CAST: variants seen among roughly 807,000 people sequenced by gnomAD.
The protein encoded by CAST is MIR583 host.
A neutral mutation model predicts 119.6 loss-of-function variants in CAST; 76 were observed. The observed-to-expected ratio is 0.64, with a 90% confidence interval of 0.53 to 0.77. The LOEUF is 0.77. Among genes scored for constraint, CAST ranks in the 30% least tolerant of loss-of-function variants. CAST has a pLI of 0.00. For missense variants in CAST, 953 were observed against 946.5 expected (o/e 1.01, Z -0.09); for synonymous variants, 319 against 331.6 (o/e 0.96, Z 0.41).
the CAST span, among the ~76,000 whole-genome samples, chr5:96,170,147 G>A: frequency 1.5e-4 from 23 of 152,302 alleles, no homozygotes; most frequent in East Asian, 1.5e-3. Flanking sequence ...GGGCAGCATC[G>A]GTCTTCAGCC....
intron 27 of CAST, 112 bp from the exon 28 acceptor site, chr5:96,767,326 A>T: frequency 1.3e-6 from 1 of 783,848 alleles, no homozygotes. Context: ...TTGCAAGTCT[A>T]CACTCCATTT....
chr5:96,356,239 T>C, the CAST span, among the ~76,000 whole-genome samples: 2 of 152,326 alleles, frequency 1.3e-5, no homozygotes. Context: ...ATTAGCCCTT[T>C]GTCAGATGAA....
the CAST span, among the ~76,000 whole-genome samples, chr5:95,987,344 TA>T: frequency 3.6e-4 from 54 of 152,106 alleles, no homozygotes; most frequent in Admixed American, 6.6e-4. Flanking sequence ...AGAGAAGAGG[TA>T]GAACCTCATC....
intron 1 of CAST, among the ~76,000 whole-genome samples, chr5:96,639,949 A>G (rs527321972): frequency 1.3e-5 from 2 of 152,210 alleles, no homozygotes; most frequent in East Asian, 3.9e-4. Flanking sequence ...TCTTACCTGT[A>G]CTATTTGCCA....
the CAST span, among the ~76,000 whole-genome samples, chr5:96,171,028 C>T: frequency 6.6e-5 from 10 of 151,994 alleles, no homozygotes; most frequent in East Asian, 1.9e-4. Flanking sequence ...GACTCCGCGA[C>T]GCTTGGGGTT....
the CAST span, among the ~76,000 whole-genome samples, chr5:96,366,467 A>T: frequency 4.6e-5 from 7 of 152,192 alleles, no homozygotes; most frequent in African/African-American, 1.7e-4. Flanking sequence ...AGGTACACCA[A>T]TGAGACGTAG....
At chr5:96,300,194 T>C in the CAST span, among the ~76,000 whole-genome samples, 24 of 152,312 alleles carry the variant, frequency 1.6e-4, no homozygotes, top group African/African-American at 5.3e-4. Context: ...CAATGTTGTA[T>C]AGTTTCTTCC....
the CAST span, among the ~76,000 whole-genome samples, chr5:96,047,270 GGGTACGTCTATATACTTCATT>G: frequency 2.0e-5 from 3 of 152,202 alleles, no homozygotes; most frequent in Middle Eastern, 6.8e-3. Flanking sequence ...TCCGTGGCAG[GGGTACGTCTATATACTTCATT>G]GGTAGTAAGA....
chr5:96,609,276 C>T (rs2150195797), intron 1 of CAST, among the ~76,000 whole-genome samples: 1 of 152,318 alleles, frequency 6.6e-6, no homozygotes, highest in East Asian at 1.9e-4. Context: ...GAGAGCCTCT[C>T]TCTGTTACAT....
intron 1 of CAST, among the ~76,000 whole-genome samples, chr5:96,578,388 AAT>A (rs1319764719): frequency 6.6e-6 from 1 of 151,502 alleles, no homozygotes; most frequent in Non-Finnish European, 1.5e-5. Flanking sequence ...TCCATAAGAA[AAT>A]AGGTAATACA....
At chr5:96,747,471 G>C (rs1764016778) in intron 18 of CAST, 79 bp downstream of exon 18, 1 of 957,778 alleles carries the variant, frequency 1.0e-6, no homozygotes, top group South Asian at 1.4e-5. Context: ...TTGACAGTCT[G>C]GAATTCACTG....
At chr5:96,669,096 T>C (rs1388899293) in intron 1 of CAST, among the ~76,000 whole-genome samples, 1 of 152,184 alleles carries the variant, frequency 6.6e-6, no homozygotes, top group Non-Finnish European at 1.5e-5. Context: ...CCAGCAAAGT[T>C]CCACTACAAT....
chr5:96,689,915 A>G (rs1752526777), intron 2 of CAST, among the ~76,000 whole-genome samples: 1 of 152,062 alleles, frequency 6.6e-6, no homozygotes, highest in Non-Finnish European at 1.5e-5. Flanking sequence ...TTATATAGCA[A>G]GTTCAGTCAT....
chr5:96,258,602 A>G, the CAST span, among the ~76,000 whole-genome samples: 3 of 152,078 alleles, frequency 2.0e-5, no homozygotes, highest in Non-Finnish European at 2.9e-5. Flanking sequence ...ACCCCCCACC[A>G]TGTTTCTGGT....
chr5:96,575,172 T>G (rs1020788003), intron 1 of CAST, among the ~76,000 whole-genome samples: 3 of 152,236 alleles, frequency 2.0e-5, no homozygotes, highest in African/African-American at 7.2e-5. Flanking sequence ...TTGGAGGAAT[T>G]GCAATGGTAT....
intron 4 of CAST, among the ~76,000 whole-genome samples, chr5:96,723,294 T>A (rs1216952916): frequency 6.6e-6 from 1 of 152,106 alleles, no homozygotes; most frequent in Non-Finnish European, 1.5e-5. Context: ...TGATCCTAGA[T>A]TTGATTGAGT....
chr5:96,459,100 C>G, the CAST span, among the ~76,000 whole-genome samples: 1 of 152,132 alleles, frequency 6.6e-6, no homozygotes, highest in East Asian at 1.9e-4. Flanking sequence ...AGTTTGTCCC[C>G]AGATCGAGCA....
the CAST span, among the ~76,000 whole-genome samples, chr5:96,310,914 A>T: frequency 6.7e-5 from 10 of 148,316 alleles, no homozygotes; most frequent in Non-Finnish European, 1.3e-4. Flanking sequence ...TTGTATTTCT[A>T]ACTTCTATTT....
chr5:96,444,604 T>C, the CAST span, among the ~76,000 whole-genome samples: 2 of 152,290 alleles, frequency 1.3e-5, 1 homozygote, highest in East Asian at 3.9e-4. Context: ...ATTTTCTCCA[T>C]CATATTGTTA....
Sources: gnomAD v4.1 joint callset for allele counts (sites outside exome capture counted in the v4.1 genomes callset) on GRCh38, gnomAD v4.1.1 for gene constraint, MANE v1.5 for transcripts, NCBI Gene and HGNC (gene_info 2026-07-23, HGNC 2026-07-21) for gene names.